Variants in SNTG1 observed in about 807,000 individuals in gnomAD.
The protein encoded by SNTG1 is syntrophin gamma 1.
SNTG1 carries 39 observed loss-of-function variants against 74.7 expected under a neutral mutation model. The ratio of observed to expected loss-of-function variants is 0.52; its 90% CI spans 0.40 to 0.68. The LOEUF is 0.68. Among genes scored for constraint, SNTG1 ranks in the 30% least tolerant of loss-of-function variants. SNTG1 has a pLI of 0.00. For synonymous variants in SNTG1, 254 were observed against 217.1 expected (o/e 1.17, Z -1.49); for missense variants, 685 against 609.5 (o/e 1.12, Z -1.30).
intron 17 of SNTG1, among the ~76,000 whole-genome samples, chr8:50,737,128 G>A (rs971610055): frequency 6.6e-6 from 1 of 151,902 alleles, no homozygotes; most frequent in African/African-American, 2.4e-5. Context: ...CCAGGAGCTG[G>A]TTTTTTGAAA....
intron 15 of SNTG1, among the ~76,000 whole-genome samples, chr8:50,674,363 G>C (rs2095300043): frequency 6.6e-6 from 1 of 151,936 alleles, no homozygotes; most frequent in African/African-American, 2.4e-5. Context: ...ACTTGTTATT[G>C]GTCTATTCAG....
intron 2 of SNTG1, among the ~76,000 whole-genome samples, chr8:50,281,366 T>C (rs968424357): frequency 1.3e-5 from 2 of 152,178 alleles, no homozygotes; most frequent in Non-Finnish European, 1.5e-5. Flanking sequence ...CCTTGGTTCA[T>C]AGGGGGGTTC....
intron 17 of SNTG1, among the ~76,000 whole-genome samples, chr8:50,751,163 G>T (rs2095566461): frequency 6.6e-6 from 1 of 152,012 alleles, no homozygotes; most frequent in African/African-American, 2.4e-5. Flanking sequence ...ATAAAGGTAT[G>T]CTAAGATAAG....
intron 1 of SNTG1, among the ~76,000 whole-genome samples, chr8:49,999,533 A>C (rs1347510081): frequency 2.0e-5 from 3 of 152,194 alleles, no homozygotes; most frequent in African/African-American, 7.2e-5. Flanking sequence ...TCCATGGCCT[A>C]TGATGAGTCT....
intron 15 of SNTG1, among the ~76,000 whole-genome samples, chr8:50,688,755 C>T (rs1188551385): frequency 6.6e-6 from 1 of 151,970 alleles, no homozygotes; most frequent in African/African-American, 2.4e-5. Context: ...TTTTTGGTTC[C>T]ATATGAACTT....
chr8:50,133,154 T>A (rs933667271), intron 1 of SNTG1, among the ~76,000 whole-genome samples: 1 of 152,152 alleles, frequency 6.6e-6, no homozygotes, highest in Non-Finnish European at 1.5e-5. Context: ...AGCTAAATGT[T>A]CACATTTATG....
intron 13 of SNTG1, among the ~76,000 whole-genome samples, chr8:50,610,938 G>A (rs973287164): frequency 4.0e-5 from 6 of 151,264 alleles, no homozygotes; most frequent in South Asian, 2.1e-4. Flanking sequence ...TTTCTTTTTC[G>A]TATCATTCAC....
chr8:50,596,557 T>A (rs1286201673), intron 13 of SNTG1, among the ~76,000 whole-genome samples: 2 of 152,054 alleles, frequency 1.3e-5, no homozygotes, highest in African/African-American at 4.8e-5. Flanking sequence ...TTCTTCACTG[T>A]ATTATTATTC....
chr8:50,608,460 T>C (rs150480972), intron 13 of SNTG1, among the ~76,000 whole-genome samples: 2,026 of 151,928 alleles, frequency 0.013, 50 homozygotes, highest in African/African-American at 0.045. Context: ...TCGTTCTTTT[T>C]CTGTATAATA....
chr8:49,972,441 A>G (rs1585719397), intron 1 of SNTG1, among the ~76,000 whole-genome samples: 2 of 152,224 alleles, frequency 1.3e-5, no homozygotes, highest in Non-Finnish European at 2.9e-5. Context: ...AATACCATTC[A>G]GGATATAGGC....
At chr8:50,217,787 A>C (rs1282057641) in intron 2 of SNTG1, among the ~76,000 whole-genome samples, 4 of 152,170 alleles carry the variant, frequency 2.6e-5, no homozygotes, top group Non-Finnish European at 5.9e-5. Flanking sequence ...GTTATTCAAA[A>C]TCTGTTGTTC....
At chr8:50,723,845 T>G (rs933633021) in intron 17 of SNTG1, among the ~76,000 whole-genome samples, 8 of 151,896 alleles carry the variant, frequency 5.3e-5, no homozygotes, top group Admixed American at 4.6e-4. Flanking sequence ...CTTTTAGTAG[T>G]TTTGCAGGAA....
intron 8 of SNTG1, among the ~76,000 whole-genome samples, chr8:50,475,446 A>C (rs138750467): frequency 6.1e-4 from 93 of 152,260 alleles, no homozygotes; most frequent in African/African-American, 2.0e-3. Flanking sequence ...GATTCCAGTT[A>C]TCCTCCTCCT....
At chr8:50,123,251 C>G (rs2081051334) in intron 1 of SNTG1, among the ~76,000 whole-genome samples, 1 of 142,894 alleles carries the variant, frequency 7.0e-6, no homozygotes, top group Non-Finnish European at 1.6e-5. Context: ...CTCAGTGCTC[C>G]AACACACAAT....
At chr8:50,104,928 A>C (rs203626) in intron 1 of SNTG1, among the ~76,000 whole-genome samples, 79,694 of 152,002 alleles carry the variant, frequency 0.52, 23,969 homozygotes, top group East Asian at 0.84. Context: ...CTTATAGATT[A>C]TGCATATTAG....
chr8:49,947,171 C>A (rs1415283143), intron 1 of SNTG1, among the ~76,000 whole-genome samples: 1 of 151,966 alleles, frequency 6.6e-6, no homozygotes, highest in Non-Finnish European at 1.5e-5. Flanking sequence ...CATGGCGGCA[C>A]ATGCTTGTAA....
intron 1 of SNTG1, among the ~76,000 whole-genome samples, chr8:50,038,161 T>C (rs1322709675): frequency 1.3e-5 from 2 of 152,202 alleles, no homozygotes; most frequent in Non-Finnish European, 2.9e-5. Context: ...ATAGGTGGTC[T>C]CCTTGCCTTC....
At chr8:50,303,198 T>C (rs1282537102) in intron 2 of SNTG1, among the ~76,000 whole-genome samples, 1 of 152,170 alleles carries the variant, frequency 6.6e-6, no homozygotes, top group Non-Finnish European at 1.5e-5. Flanking sequence ...CCTGATTATT[T>C]ATTAAGTTAG....
At chr8:50,153,817 G>A (rs139789036) in intron 1 of SNTG1, among the ~76,000 whole-genome samples, 1 of 152,160 alleles carries the variant, frequency 6.6e-6, no homozygotes, top group Non-Finnish European at 1.5e-5. Flanking sequence ...GCCCCCTACT[G>A]GGGGGTGCCT....
Sources: gnomAD v4.1 joint callset for allele counts (sites outside exome capture counted in the v4.1 genomes callset) on GRCh38, gnomAD v4.1.1 for gene constraint, MANE v1.5 for transcripts, NCBI Gene and HGNC (gene_info 2026-07-23, HGNC 2026-07-21) for gene names.